Variants in PDPN observed in about 807,000 individuals in gnomAD.
PDPN encodes the protein PA2.26 antigen.
Under a neutral mutation model 23.2 loss-of-function variants are expected in PDPN, and 12 were observed. The observed-to-expected ratio is 0.52, with a 90% CI of 0.33 to 0.84. The LOEUF is 0.84. Among genes scored for constraint, PDPN ranks in the 40% least tolerant of loss-of-function variants. The probability of loss-of-function intolerance (pLI) is 0.02; values close to 1 mark genes in which losing one functional copy is unlikely to be tolerated. For missense variants in PDPN, 199 were observed against 212.2 expected (o/e 0.94, Z 0.39); for synonymous variants, 77 against 76.7 (o/e 1.00, Z -0.02).
intron 1 of PDPN, among the ~76,000 whole-genome samples, chr1:13,595,543 G>A (rs578109580): frequency 3.9e-5 from 6 of 152,280 alleles, no homozygotes; most frequent in South Asian, 2.1e-4. Flanking sequence ...ACATCTTCAC[G>A]TGCTGGATTT....
chr1:13,583,816 C>T (rs753201185), upstream of PDPN: 3 of 1,547,934 alleles, frequency 1.9e-6, no homozygotes, highest in African/African-American at 1.4e-5. Context: ...ATGCTGACTC[C>T]GCTCGGAAAG....
chr1:13,591,662 T>A (rs1640346274), intron 1 of PDPN, among the ~76,000 whole-genome samples: 1 of 152,240 alleles, frequency 6.6e-6, no homozygotes, highest in Non-Finnish European at 1.5e-5. Context: ...ACGAGGTTCA[T>A]CCATGTTATA....
intron 1 of PDPN, among the ~76,000 whole-genome samples, chr1:13,593,238 T>A (rs1463167954): frequency 3.3e-5 from 5 of 151,990 alleles, no homozygotes; most frequent in Non-Finnish European, 5.9e-5. Context: ...GTAGGAGGGA[T>A]GAGAGATTAG....
upstream of PDPN, chr1:13,583,829 C>G (rs768469466): frequency 6.4e-7 from 1 of 1,563,970 alleles, no homozygotes; most frequent in South Asian, 1.2e-5. Context: ...TCGGAAAGTT[C>G]TCAACTGCAA....
chr1:13,614,510 T>C, intron 5 of PDPN, 99 bp downstream of exon 5: 1 of 741,388 alleles, frequency 1.3e-6, no homozygotes, highest in South Asian at 1.6e-5. Flanking sequence ...ATAAGCTGGG[T>C]GTGGTGGCTC....
chr1:13,607,322 A>G lies in PDPN; in HGVS notation c.201+16A>G. 1 of 1,608,538 alleles carries G rather than the reference A, an allele frequency of 6.2e-7. No individual in the cohort carries two copies. The highest frequency in any genetic ancestry group is 1.3e-5 in the African/African-American group (1 of 74,854). ...GACAACTCTGGTCAGTGTCCTGGGA[A>G]GAGAGGAATTTTTTCCGTAGGCATG... On this transcript the variant is annotated intron_variant, in intron 2 of 5. Transcript: ENST00000621990.
intron 2 of PDPN, among the ~76,000 whole-genome samples, chr1:13,608,060 G>T (rs560469752): frequency 1.3e-5 from 2 of 152,088 alleles, no homozygotes; most frequent in Admixed American, 1.3e-4. Flanking sequence ...AGCCGAGATC[G>T]CACCACTGCA....
Position 13,585,742 on chromosome 1 carries a change from G to C in PDPN, c.67+1642G>C, listed in dbSNP as rs914720705. On this transcript the variant is annotated intron_variant, in intron 1 of 5. Coordinates refer to ENST00000621990, the MANE Select transcript of PDPN (RefSeq NM_006474.5). ...ATGCGGGGCTGGCTGAGTGAGGGTG[G>C]GTGCTGAGTTGCCTGGCTGCCAGAG... The C allele has an allele frequency of 4.5e-5, 42 of 925,926 alleles. No homozygotes were observed. In the East Asian group the frequency reaches 2.1e-3, roughly 47 times the overall value. The allele number at this position is 925,926 out of a possible 1,614,324, so 57.4% of individuals were successfully genotyped here. A position where few individuals can be genotyped will look rare whatever the true frequency, so the allele number is the denominator to read the frequency against.
intron 1 of PDPN, among the ~76,000 whole-genome samples, chr1:13,598,485 G>A (rs1640554528): frequency 6.6e-6 from 1 of 152,128 alleles, no homozygotes; most frequent in African/African-American, 2.4e-5. Flanking sequence ...GCTTCAGCCT[G>A]ATCCTGGCAC....
intron 1 of PDPN, among the ~76,000 whole-genome samples, chr1:13,595,419 G>A (rs1270962011): frequency 6.6e-6 from 1 of 151,964 alleles, no homozygotes; most frequent in Non-Finnish European, 1.5e-5. Context: ...CTCAACTTTG[G>A]GAGGTGACCC....
chr1:13,612,526 T>G (rs1237602199), intron 3 of PDPN, among the ~76,000 whole-genome samples: 5 of 152,116 alleles, frequency 3.3e-5, no homozygotes, highest in Non-Finnish European at 5.9e-5. Flanking sequence ...TCAGTGACAT[T>G]TGGGGAGTTG....
intron 5 of PDPN, among the ~76,000 whole-genome samples, chr1:13,615,042 A>C (rs533854086): frequency 6.6e-6 from 1 of 152,170 alleles, no homozygotes; most frequent in Non-Finnish European, 1.5e-5. Context: ...ACCATCAGAG[A>C]AAAGGCTTCT....
At chr1:13,598,156 C>T (rs948027828) in intron 1 of PDPN, among the ~76,000 whole-genome samples, 3 of 152,090 alleles carry the variant, frequency 2.0e-5, no homozygotes, top group African/African-American at 7.2e-5. Context: ...GCTGGGATTA[C>T]AGGCACAAGC....
chr1:13,591,710 T>G (rs1640348218), intron 1 of PDPN, among the ~76,000 whole-genome samples: 1 of 152,236 alleles, frequency 6.6e-6, no homozygotes, highest in Non-Finnish European at 1.5e-5. Context: ...AAAAAATTTT[T>G]TAGAGATGAG....
intron 1 of PDPN, among the ~76,000 whole-genome samples, chr1:13,592,956 T>C (rs949674387): frequency 7.9e-5 from 12 of 152,204 alleles, no homozygotes; most frequent in African/African-American, 2.9e-4. Flanking sequence ...TATATGTCTA[T>C]CCTCCTACCA....
intron 1 of PDPN, among the ~76,000 whole-genome samples, chr1:13,600,665 A>C (rs1640620410): frequency 6.6e-6 from 1 of 152,176 alleles, no homozygotes; most frequent in Non-Finnish European, 1.5e-5. Flanking sequence ...GCGTTGGGCC[A>C]CATCACTTAA....
intron 1 of PDPN, among the ~76,000 whole-genome samples, chr1:13,597,876 A>G (rs944519596): frequency 2.0e-5 from 3 of 152,002 alleles, no homozygotes; most frequent in African/African-American, 7.2e-5. Context: ...TCGAGAGGCT[A>G]AGGTGGGAGG....
At chr1:13,590,502 T>C (rs10927905) in intron 1 of PDPN, among the ~76,000 whole-genome samples, 14,811 of 152,192 alleles carry the variant, frequency 0.097, 1,397 homozygotes, top group East Asian at 0.56. Flanking sequence ...TGCGACTTTA[T>C]CTTGGCTGTG....
chr1:13,599,911 T>G (rs72867960), intron 1 of PDPN, among the ~76,000 whole-genome samples: 6,786 of 152,232 alleles, frequency 0.045, 483 homozygotes, highest in African/African-American at 0.15. Context: ...ACTTGCACAG[T>G]TAAGCGGGGA....
Sources: gnomAD v4.1 joint callset for allele counts (sites outside exome capture counted in the v4.1 genomes callset) on GRCh38, gnomAD v4.1.1 for gene constraint, MANE v1.5 for transcripts, NCBI Gene and HGNC (gene_info 2026-07-23, HGNC 2026-07-21) for gene names.